The following DLGAP1 variants were observed in gnomAD, a reference collection of about 807,000 sequenced individuals.
DLGAP1 encodes the protein DLG associated protein 1, also known as disks large-associated protein 1.
DLGAP1 carries 11 observed loss-of-function variants against 90.8 expected under a neutral mutation model. That is an observed-to-expected ratio of 0.12 (90% CI 0.08 to 0.20). DLGAP1 has a LOEUF of 0.20. Ranked by LOEUF, DLGAP1 falls within the 10% of genes least tolerant of loss-of-function variation. DLGAP1 has a pLI of 1.00. For synonymous variants in DLGAP1, 558 were observed against 540.7 expected (o/e 1.03, Z -0.44); for missense variants, 1,050 against 1,333.8 (o/e 0.79, Z 3.31).
chr18:4,269,405 G>A (rs889667996), intron 1 of DLGAP1, among the ~76,000 whole-genome samples: 3 of 146,090 alleles, frequency 2.1e-5, no homozygotes, highest in Non-Finnish European at 4.5e-5. Flanking sequence ...CCAGGCTGGA[G>A]TGCAGTGGCG....
chr18:3,816,265 A>G (rs898347881), intron 4 of DLGAP1, among the ~76,000 whole-genome samples: 1 of 152,198 alleles, frequency 6.6e-6, no homozygotes, highest in Non-Finnish European at 1.5e-5. Flanking sequence ...TCAAAATTAT[A>G]TTAATCAAAA....
In DLGAP1 at chr18:3,694,261, C is replaced by A. The variant is rs191737595; in HGVS notation, c.1591+34874G>T. 3.6e-4 allele frequency among the ~76,000 whole-genome samples: 55 copies of A among 152,276 alleles called. 2 individuals carry two copies. The East Asian group carries it at 9.5e-3, about 26-fold the overall frequency. On this transcript the variant is annotated intron_variant, in intron 7 of 12. Coordinates refer to ENST00000315677, the MANE Select transcript of DLGAP1 (RefSeq NM_004746.4). ...CATAGTATTCCATGGTAAATATGTG[C>A]TACATTTTCTTTATCCAGTCTATCA...
chr18:3,794,942 C>T (rs879281634), intron 5 of DLGAP1, among the ~76,000 whole-genome samples: 1 of 152,214 alleles, frequency 6.6e-6, no homozygotes, highest in African/African-American at 2.4e-5. Flanking sequence ...AAGCCTTAGG[C>T]ATTCATTCCT....
chr18:4,139,083 ACTTTC>A (rs1221056635), intron 2 of DLGAP1, among the ~76,000 whole-genome samples: 9 of 151,632 alleles, frequency 5.9e-5, no homozygotes, highest in East Asian at 1.9e-4. Context: ...TATAAAAGCA[ACTTTC>A]CTTTCATTGG....
At chr18:3,644,988 CA>C (rs1280087475) in intron 7 of DLGAP1, among the ~76,000 whole-genome samples, 1 of 152,140 alleles carries the variant, frequency 6.6e-6, no homozygotes, top group Non-Finnish European at 1.5e-5. Flanking sequence ...TTTAAATATG[CA>C]AAAAGCATAC....
chr18:3,769,437 C>T (rs1052565345), intron 5 of DLGAP1, among the ~76,000 whole-genome samples: 6 of 152,258 alleles, frequency 3.9e-5, no homozygotes, highest in Admixed American at 3.9e-4. Flanking sequence ...CACTCAGAAA[C>T]CTTTATAGGA....
intron 1 of DLGAP1, among the ~76,000 whole-genome samples, chr18:4,447,689 T>G (rs920627920): frequency 2.6e-5 from 4 of 152,186 alleles, no homozygotes; most frequent in African/African-American, 4.8e-5. Context: ...AAAAAGAATG[T>G]GTGACACAGG....
chr18:4,135,062 G>T (rs2076378188), intron 2 of DLGAP1, among the ~76,000 whole-genome samples: 1 of 152,072 alleles, frequency 6.6e-6, no homozygotes, highest in African/African-American at 2.4e-5. Context: ...CGTAGTGTTT[G>T]ATCTCCAAAC....
intron 7 of DLGAP1, among the ~76,000 whole-genome samples, chr18:3,630,547 T>C (rs964814246): frequency 1.2e-4 from 19 of 152,232 alleles, no homozygotes; most frequent in African/African-American, 4.6e-4. Flanking sequence ...TGAAGAACCC[T>C]GGCTAATACA....
intron 4 of DLGAP1, among the ~76,000 whole-genome samples, chr18:3,818,346 GTTTTTTTTTTTTTT>G (rs398031872): frequency 1.5e-5 from 1 of 66,456 alleles, no homozygotes; most frequent in Non-Finnish European, 2.7e-5. Flanking sequence ...TGTAGGGATG[GTTTTTTTTTTTTTT>G]TTTTTTTTTT....
intron 1 of DLGAP1, chr18:4,430,544 G>A (rs140692104): frequency 7.3e-4 from 111 of 151,128 alleles, no homozygotes; most frequent in African/African-American, 2.6e-3. Context: ...GTGTGTGTCT[G>A]TGATTCAAAT....
chr18:4,204,493 G>A (rs1043807194), intron 1 of DLGAP1, among the ~76,000 whole-genome samples: 1 of 150,654 alleles, frequency 6.6e-6, no homozygotes, highest in African/African-American at 2.5e-5. Context: ...AGTTTTAACT[G>A]ACAGGACTGT....
At chr18:4,418,053 A>G (rs2082942654) in intron 1 of DLGAP1, among the ~76,000 whole-genome samples, 3 of 152,202 alleles carry the variant, frequency 2.0e-5, no homozygotes, top group Non-Finnish European at 4.4e-5. Flanking sequence ...CACGTTTGAC[A>G]ACCCAGCCTC....
At chr18:4,150,489 C>T (rs908172348) in intron 2 of DLGAP1, among the ~76,000 whole-genome samples, 1 of 152,150 alleles carries the variant, frequency 6.6e-6, no homozygotes, top group African/African-American at 2.4e-5. Flanking sequence ...CTTCCAGGTT[C>T]AAGCGATTCT....
intron 1 of DLGAP1, among the ~76,000 whole-genome samples, chr18:4,377,685 TAC>T (rs1444887297): frequency 2.6e-5 from 4 of 152,112 alleles, no homozygotes; most frequent in African/African-American, 9.7e-5. Context: ...TTGAGTAATA[TAC>T]ACACAGTCAT....
At chr18:4,224,368 A>G (rs1000275001) in intron 1 of DLGAP1, among the ~76,000 whole-genome samples, 1 of 152,200 alleles carries the variant, frequency 6.6e-6, no homozygotes, top group Non-Finnish European at 1.5e-5. Flanking sequence ...CAGTTTGGCC[A>G]TAAGGAGGTA....
At chr18:3,793,688 C>A (rs2065852182) in intron 5 of DLGAP1, among the ~76,000 whole-genome samples, 1 of 152,128 alleles carries the variant, frequency 6.6e-6, no homozygotes, top group Non-Finnish European at 1.5e-5. Flanking sequence ...GCTGTGGCCA[C>A]CCCTGCTCTC....
At chr18:3,540,150 G>C (rs748038031) in intron 9 of DLGAP1, among the ~76,000 whole-genome samples, 1 of 151,970 alleles carries the variant, frequency 6.6e-6, no homozygotes, top group African/African-American at 2.4e-5. Flanking sequence ...AATAAGGCAC[G>C]GGCGTGAGGA....
At chr18:4,077,179 A>C (rs1443461924) in intron 2 of DLGAP1, among the ~76,000 whole-genome samples, 1 of 152,230 alleles carries the variant, frequency 6.6e-6, no homozygotes, top group Non-Finnish European at 1.5e-5. Context: ...TAAATACATT[A>C]AGGAAAGGAG....
Sources: gnomAD v4.1 joint callset for allele counts (sites outside exome capture counted in the v4.1 genomes callset) on GRCh38, gnomAD v4.1.1 for gene constraint, MANE v1.5 for transcripts, NCBI Gene and HGNC (gene_info 2026-07-23, HGNC 2026-07-21) for gene names.